Variants in GABRG3 observed in about 807,000 individuals in gnomAD.
GABRG3 encodes gamma-aminobutyric acid receptor subunit gamma-3.
Under a neutral mutation model 48.8 loss-of-function variants are expected in GABRG3, and 25 were observed. The observed-to-expected ratio is 0.51, with a 90% confidence interval of 0.37 to 0.72. The LOEUF (loss-of-function observed/expected upper bound fraction) is 0.72. GABRG3 is among the 30% of genes least tolerant of loss of function. The probability of loss-of-function intolerance (pLI) is 0.00; values close to 1 mark genes in which losing one functional copy is unlikely to be tolerated. For synonymous variants in GABRG3, 227 were observed against 217.6 expected, an observed-to-expected ratio of 1.04 and a Z score of -0.38; for missense variants, 394 against 577.9, an observed-to-expected ratio of 0.68 and a Z score of 3.26.
chr15:27,317,185 T>C (rs1893260454), intron 3 of GABRG3, among the ~76,000 whole-genome samples: 1 of 152,178 alleles, frequency 6.6e-6, no homozygotes, highest in African/African-American at 2.4e-5. Context: ...CTTCTGTGTT[T>C]CTGTGCTCTT....
chr15:27,413,483 A>G (rs1034351671), intron 5 of GABRG3, among the ~76,000 whole-genome samples: 1 of 152,246 alleles, frequency 6.6e-6, no homozygotes, highest in Admixed American at 6.5e-5. Flanking sequence ...GTGTGATAAC[A>G]TTAGAAATGA....
rs1455687757 is a variant in GABRG3 at position 27,291,880 on chromosome 15, T to TGA, written c.271-34922_271-34921dup. 3.3e-5 allele frequency among the ~76,000 whole-genome samples: 5 copies of TGA among 152,266 alleles called. No homozygotes were observed. The East Asian group carries it at 9.7e-4, about 29-fold the overall frequency. On this transcript the variant is annotated intron_variant, in intron 3 of 9. Coordinates refer to ENST00000615808, the MANE Select transcript of GABRG3 (RefSeq NM_033223.5). ...TGGGTATTGATCAGATGTATGTGTG[T>TGA]GAGAGAGAAAGGGTATGGCGGTGCC...
intron 6 of GABRG3, among the ~76,000 whole-genome samples, chr15:27,513,420 A>T (rs777386254): frequency 1.9e-4 from 29 of 151,828 alleles, no homozygotes; most frequent in Non-Finnish European, 3.4e-4. Flanking sequence ...AGTGCACTCC[A>T]GCCTGGGAGA....
At chr15:27,124,108 G>A (rs1377458190) in intron 3 of GABRG3, among the ~76,000 whole-genome samples, 2 of 152,220 alleles carry the variant, frequency 1.3e-5, no homozygotes, top group African/African-American at 4.8e-5. Flanking sequence ...CTCATGTTAA[G>A]ATCACAGAAG....
At chr15:27,488,709 G>A (rs1890276170) in intron 6 of GABRG3, among the ~76,000 whole-genome samples, 1 of 152,082 alleles carries the variant, frequency 6.6e-6, no homozygotes, top group South Asian at 2.1e-4. Flanking sequence ...TGAGTCTAAA[G>A]GATAAATATA....
chr15:27,189,984 T>C (rs371168280), intron 3 of GABRG3, among the ~76,000 whole-genome samples: 4 of 152,144 alleles, frequency 2.6e-5, no homozygotes, highest in African/African-American at 4.8e-5. Context: ...TTGAGATAAT[T>C]ATGTGGTTTT....
intron 3 of GABRG3, among the ~76,000 whole-genome samples, chr15:27,241,514 C>G (rs1890126543): frequency 6.6e-6 from 1 of 152,176 alleles, no homozygotes; most frequent in African/African-American, 2.4e-5. Context: ...GTCACACTTC[C>G]TGGAGCAACA....
chr15:27,498,985 T>A (rs999173469), intron 6 of GABRG3, among the ~76,000 whole-genome samples: 5 of 152,230 alleles, frequency 3.3e-5, no homozygotes, highest in African/African-American at 1.2e-4. Context: ...CTGCGCTTAG[T>A]CCAGCCTTTG....
At chr15:27,407,108 G>A (rs1194317080) in intron 5 of GABRG3, among the ~76,000 whole-genome samples, 1 of 152,080 alleles carries the variant, frequency 6.6e-6, no homozygotes, top group Non-Finnish European at 1.5e-5. Flanking sequence ...TGTAGTTTTA[G>A]TAGGGACAGG....
intron 5 of GABRG3, among the ~76,000 whole-genome samples, chr15:27,367,954 C>G (rs1160581414): frequency 6.6e-6 from 1 of 152,114 alleles, no homozygotes; most frequent in African/African-American, 2.4e-5. Flanking sequence ...TGAAATCTCT[C>G]TCTCTGCTCT....
At chr15:27,267,549 C>T (rs956004334) in intron 3 of GABRG3, among the ~76,000 whole-genome samples, 1 of 152,064 alleles carries the variant, frequency 6.6e-6, no homozygotes, top group Non-Finnish European at 1.5e-5. Flanking sequence ...AAGCAATCCT[C>T]CCACATCAGC....
At chr15:27,262,966 A>G (rs968054584) in intron 3 of GABRG3, among the ~76,000 whole-genome samples, 22 of 152,246 alleles carry the variant, frequency 1.4e-4, no homozygotes, top group African/African-American at 5.1e-4. Flanking sequence ...GATTTGGCAC[A>G]GGTGAGAGCT....
intron 3 of GABRG3, among the ~76,000 whole-genome samples, chr15:27,194,552 C>G (rs1248246894): frequency 6.6e-6 from 1 of 152,182 alleles, no homozygotes; most frequent in Non-Finnish European, 1.5e-5. Flanking sequence ...TAGTTGACAG[C>G]TCTTTACTTT....
At chr15:27,216,053 ACT>A (rs368524596) in intron 3 of GABRG3, among the ~76,000 whole-genome samples, 2 of 152,196 alleles carry the variant, frequency 1.3e-5, no homozygotes, top group African/African-American at 2.4e-5. Flanking sequence ...TATCAAGGAG[ACT>A]CTGCAAAGAT....
chr15:27,250,158 T>C (rs926618368), intron 3 of GABRG3, among the ~76,000 whole-genome samples: 1 of 152,090 alleles, frequency 6.6e-6, no homozygotes, highest in African/African-American at 2.4e-5. Context: ...TCAGGAACTG[T>C]GATGCCTGTG....
At chr15:27,406,348 T>A (rs569920381) in intron 5 of GABRG3, among the ~76,000 whole-genome samples, 1 of 152,304 alleles carries the variant, frequency 6.6e-6, no homozygotes, top group South Asian at 2.1e-4. Flanking sequence ...TTAATGATTT[T>A]TTTTAAGACT....
At chr15:27,144,004 A>G (rs1433502792) in intron 3 of GABRG3, among the ~76,000 whole-genome samples, 2 of 152,216 alleles carry the variant, frequency 1.3e-5, no homozygotes, top group Non-Finnish European at 2.9e-5. Context: ...CCAGATTGCC[A>G]TTAACAAGCC....
intron 3 of GABRG3, among the ~76,000 whole-genome samples, chr15:27,304,996 C>T (rs1892345989): frequency 6.6e-6 from 1 of 151,814 alleles, no homozygotes; most frequent in African/African-American, 2.4e-5. Context: ...TTTCGTAAAG[C>T]CTAATTTATC....
At chr15:27,423,827 A>G (rs184487815) in intron 5 of GABRG3, among the ~76,000 whole-genome samples, 1 of 136,246 alleles carries the variant, frequency 7.3e-6, no homozygotes, top group East Asian at 2.3e-4. Flanking sequence ...CTGGTCCCCC[A>G]AAGTACTGAA....
Sources: allele counts gnomAD v4.1 joint callset (sites outside exome capture counted in the v4.1 genomes callset), GRCh38; gene constraint gnomAD v4.1.1; transcripts MANE v1.5; gene names NCBI Gene and HGNC (gene_info 2026-07-23, HGNC 2026-07-21).